Variants in GAS7 observed in about 807,000 individuals in gnomAD.
GAS7 encodes growth arrest specific 7, also known as growth arrest-specific protein 7.
A neutral mutation model predicts 71.1 loss-of-function variants in GAS7; 28 were observed. The ratio of observed to expected loss-of-function variants is 0.39; its 90% CI spans 0.29 to 0.54. The LOEUF is 0.54. Among genes scored for constraint, GAS7 ranks in the 20% least tolerant of loss-of-function variants. The probability of loss-of-function intolerance (pLI) is 0.62; values close to 1 mark genes in which losing one functional copy is unlikely to be tolerated. For synonymous variants in GAS7, 258 were observed against 245.8 expected, an observed-to-expected ratio of 1.05 and a Z score of -0.46; for missense variants, 436 against 627.8, an observed-to-expected ratio of 0.69 and a Z score of 3.27.
At chr17:9,978,902 G>T (rs1342927218) in intron 3 of GAS7, among the ~76,000 whole-genome samples, 1 of 152,148 alleles carries the variant, frequency 6.6e-6, no homozygotes, top group African/African-American at 2.4e-5. Context: ...CTCGGCACTA[G>T]TAAACATTTA....
At chr17:9,944,252 A>G (rs1236767905) in intron 6 of GAS7, among the ~76,000 whole-genome samples, 2 of 152,176 alleles carry the variant, frequency 1.3e-5, no homozygotes, top group African/African-American at 2.4e-5. Context: ...GGCATGTCTA[A>G]AAGTGTCCTC....
Position 10,068,603 on chromosome 17 carries a change from A to AC in GAS7, c.184-48707_184-48706insG, listed in dbSNP as rs1478230663. Among the ~76,000 whole-genome samples, 247 of 151,600 alleles carry AC rather than the reference A, an allele frequency of 1.6e-3. 1 individual carries two copies. Among genetic ancestry groups the AC allele is most frequent in the African/African-American group, 5.4e-3 (224 of 41,198 alleles). On this transcript the variant is annotated intron_variant, in intron 1 of 13. Coordinates refer to ENST00000432992, the MANE Select transcript of GAS7 (RefSeq NM_201433.2). The stretch of plus-strand genomic sequence containing the variant: ...AAACCCTGTCTCTTAAAAAAAAAAA[A>AC]AAATCACAAAATTAGCCAGGCATGG...
At chr17:9,983,640 T>C (rs2070523970) in intron 2 of GAS7, among the ~76,000 whole-genome samples, 1 of 150,694 alleles carries the variant, frequency 6.6e-6, no homozygotes, top group Non-Finnish European at 1.5e-5. Flanking sequence ...TAACAAAAAT[T>C]AGCTGGGCGC....
At position 10,198,250 on chromosome 17, in the gene GAS7, C is replaced by G. The variant is rs1417650318; in HGVS notation, c.141G>C (p.Gly47=). 2 of 1,607,612 alleles carry G rather than the reference C, an allele frequency of 1.2e-6. No individual in the cohort carries two copies. Among genetic ancestry groups the G allele is most frequent in the African/African-American group, 2.7e-5 (2 of 74,906 alleles). The change falls in exon 1 of 14, where the codon GGG becomes GGC. Residue 47 remains glycine, a synonymous_variant. Transcript: ENST00000432992. ...GGWWEGEKED[G]LRGWFPASYV... is the part of the protein sequence containing the mutation. ...AGCTCGCCGGGAACCAGCCACGGAGCCCGTCCTCCTTCTCGCCTTCCCACC... is the reference window on the plus strand; with the variant it reads ...AGCTCGCCGGGAACCAGCCACGGAGGCCGTCCTCCTTCTCGCCTTCCCACC...
chr17:10,167,786 C>T (rs891163029), intron 1 of GAS7, among the ~76,000 whole-genome samples: 1 of 152,130 alleles, frequency 6.6e-6, no homozygotes, highest in African/African-American at 2.4e-5. Context: ...GGAGCCGACA[C>T]CTTCTGGGCT....
chr17:10,178,983 C>T (rs2074394464), intron 1 of GAS7, among the ~76,000 whole-genome samples: 1 of 151,896 alleles, frequency 6.6e-6, no homozygotes. Context: ...AAACTGTAGT[C>T]GACTGGCTGA....
chr17:10,103,600 C>T lies in GAS7; in HGVS notation c.184-83703G>A, dbSNP rs926647101. ...CAGCACTTTGGGAGGCCGAGGTGGG[C>T]GGATCACCTGAGGTCAGGAGTTCAA... On this transcript the variant is annotated intron_variant, in intron 1 of 13. Coordinates refer to ENST00000432992, the MANE Select transcript of GAS7 (RefSeq NM_201433.2). This position sits in a 1 kb window ranked among gnomAD's most constrained non-coding sequence, Gnocchi z 5.5. Among the ~76,000 whole-genome samples the T allele has an allele frequency of 3.3e-5, 5 of 151,790 alleles. No individual in the cohort carries two copies. The highest frequency in any genetic ancestry group is 6.6e-5 in the Admixed American group (1 of 15,238).
Position 10,095,843 on chromosome 17 carries a change from C to T in GAS7, c.184-75946G>A, listed in dbSNP as rs114030741. 2.0e-3 allele frequency among the ~76,000 whole-genome samples: 307 copies of T among 152,056 alleles called. 2 individuals carry two copies. The highest frequency in any genetic ancestry group is 6.4e-3 in the African/African-American group (267 of 41,488). On this transcript the variant is annotated intron_variant, in intron 1 of 13. Transcript: ENST00000432992. ...ATAAGGTTCTCAGATCTTAACACCT[C>T]TGCCCGTGTGCTCCATCCCCTACAA...
intron 1 of GAS7, among the ~76,000 whole-genome samples, chr17:10,159,399 CCAAA>C (rs2074234105): frequency 6.6e-6 from 1 of 151,746 alleles, no homozygotes; most frequent in Admixed American, 6.6e-5. Context: ...ATGAAAGAAC[CCAAA>C]GATCCAAGAG....
chr17:10,050,341 C>A (rs1242091916), intron 1 of GAS7, among the ~76,000 whole-genome samples: 3 of 152,118 alleles, frequency 2.0e-5, no homozygotes, highest in Non-Finnish European at 4.4e-5. Context: ...ACCAATGCAA[C>A]GCTAACACAA....
chr17:10,126,380 A>ACACTCACG (rs2073947922), intron 1 of GAS7, among the ~76,000 whole-genome samples: 1 of 150,236 alleles, frequency 6.7e-6, no homozygotes, highest in African/African-American at 2.5e-5. Context: ...ACACACCCAC[A>ACACTCACG]CACTCACGCA....
At chr17:9,951,395 A>G (rs1437766582) in intron 5 of GAS7, among the ~76,000 whole-genome samples, 1 of 152,082 alleles carries the variant, frequency 6.6e-6, no homozygotes, top group Non-Finnish European at 1.5e-5. Context: ...TCCCCTTTCC[A>G]TCGTCTTTCC....
intron 4 of GAS7, among the ~76,000 whole-genome samples, chr17:9,967,756 C>A (rs1176099919): frequency 6.6e-6 from 1 of 152,170 alleles, no homozygotes; most frequent in Non-Finnish European, 1.5e-5. Flanking sequence ...TGTTGCAGGA[C>A]AGTTAGGCTG....
chr17:9,942,552 T>C (rs2068641956), intron 7 of GAS7, among the ~76,000 whole-genome samples: 1 of 152,190 alleles, frequency 6.6e-6, no homozygotes, highest in Non-Finnish European at 1.5e-5. Flanking sequence ...ACTGTTATAA[T>C]CCTTGAGGCA....
At chr17:10,030,544 C>T (rs988344814) in intron 1 of GAS7, among the ~76,000 whole-genome samples, 1 of 152,202 alleles carries the variant, frequency 6.6e-6, no homozygotes, top group Non-Finnish European at 1.5e-5. Flanking sequence ...CCAGGAGGGT[C>T]GCCTTCCTTT....
chr17:9,934,234 C>A lies in GAS7; in HGVS notation c.817G>T (p.Glu273Ter). Reference protein sequence around the residue: ...LASQEEGSLGEAWAQVKKSLA... With the variant: ...LASQEEGSLG ...CTCTTCTTCACCTGGGCCCACGCCTCTCCCAAGGAGCTGCAACACAAAGAC... is the reference window on the plus strand; with the variant it reads ...CTCTTCTTCACCTGGGCCCACGCCTATCCCAAGGAGCTGCAACACAAAGAC... Residue 273 changes from glutamate (E) to a stop codon, truncating the protein, a stop_gained, in exon 9 of 14, where the codon GAG becomes TAG. Coordinates refer to ENST00000432992, the MANE Select transcript of GAS7 (RefSeq NM_201433.2). LOFTEE classifies it high-confidence loss of function. 1 of 1,610,122 alleles carries A rather than the reference C, an allele frequency of 6.2e-7. No homozygotes were observed. Among genetic ancestry groups the A allele is most frequent in the Non-Finnish European group, 8.5e-7 (1 of 1,176,810 alleles).
chr17:10,038,303 C>T (rs2072795267), intron 1 of GAS7, among the ~76,000 whole-genome samples: 2 of 152,084 alleles, frequency 1.3e-5, no homozygotes, highest in Non-Finnish European at 2.9e-5. Context: ...GAGCTAGGAT[C>T]ACACCACTCT....
At chr17:10,036,476 AG>A in intron 1 of GAS7, 5 of 1,613,848 alleles carry the variant, frequency 3.1e-6, no homozygotes, top group Non-Finnish European at 4.2e-6. Context: ...GCTACCTCAG[AG>A]GAGAGTCTTG....
chr17:10,063,073 G>C (rs534694082), intron 1 of GAS7, among the ~76,000 whole-genome samples: 2 of 152,260 alleles, frequency 1.3e-5, no homozygotes, highest in African/African-American at 2.4e-5. Context: ...CCACTTACCT[G>C]CTGGCTGGGT....
Sources: gnomAD v4.1 joint callset for allele counts (sites outside exome capture counted in the v4.1 genomes callset) on GRCh38, gnomAD v4.1.1 for gene constraint, Gnocchi (gnomAD v3.1) non-coding constraint, MANE v1.5 for transcripts, NCBI Gene and HGNC (gene_info 2026-07-23, HGNC 2026-07-21) for gene names.